The following TFCP2L1 variants were observed in gnomAD, a reference collection of about 807,000 sequenced individuals.
TFCP2L1 encodes transcription factor CP2 like 1, also known as transcription factor CP2-like protein 1.
Under a neutral mutation model 72.2 loss-of-function variants are expected in TFCP2L1, and 12 were observed. The observed-to-expected ratio is 0.17, with a 90% CI of 0.11 to 0.27. The LOEUF (loss-of-function observed/expected upper bound fraction) is 0.27, where lower values mean the gene tolerates loss of function less well. Ranked by LOEUF, TFCP2L1 falls within the 10% of genes least tolerant of loss-of-function variation. The probability of loss-of-function intolerance (pLI) is 1.00; values close to 1 mark genes in which losing one functional copy is unlikely to be tolerated. For missense variants in TFCP2L1, 488 were observed against 624.6 expected, an observed-to-expected ratio of 0.78 and a Z score of 2.33; for synonymous variants, 260 against 251.0, an observed-to-expected ratio of 1.04 and a Z score of -0.34.
At chr2:121,275,415 A>AAAAAAAAAAAAAAAAAAAC (rs1687127611) in intron 2 of TFCP2L1, among the ~76,000 whole-genome samples, 1 of 150,358 alleles carries the variant, frequency 6.7e-6, no homozygotes, top group African/African-American at 2.4e-5. Flanking sequence ...AAAAAAAAAA[A>AAAAAAAAAAAAAAAAAAAC]GAAATAACAT....
At chr2:121,232,083 C>T (rs373817284) in intron 12 of TFCP2L1, 115 bp from the exon 13 acceptor site, 144 of 1,114,948 alleles carry the variant, frequency 1.3e-4, no homozygotes, top group East Asian at 2.6e-4. Flanking sequence ...CCCAGGGCGG[C>T]GGGGCAGGAC....
chr2:121,271,983 A>C (rs1687057201), intron 2 of TFCP2L1, among the ~76,000 whole-genome samples: 1 of 152,096 alleles, frequency 6.6e-6, no homozygotes, highest in African/African-American at 2.4e-5. Flanking sequence ...TTCCCCCCAC[A>C]AAGCTTCATC....
intron 1 of TFCP2L1, among the ~76,000 whole-genome samples, chr2:121,284,714 G>A (rs543956026): frequency 3.3e-5 from 5 of 152,336 alleles, no homozygotes; most frequent in Non-Finnish European, 5.9e-5. Flanking sequence ...ACGCGGGGGA[G>A]AGGAGGGCCG....
At chr2:121,230,246 A>G (rs1375565875) in intron 13 of TFCP2L1, among the ~76,000 whole-genome samples, 2 of 152,142 alleles carry the variant, frequency 1.3e-5, no homozygotes, top group African/African-American at 4.8e-5. Flanking sequence ...ATCTCAGCTC[A>G]CTGCAACCTC....
chr2:121,239,366 C>A (rs894971504), intron 8 of TFCP2L1, among the ~76,000 whole-genome samples, 192 bp downstream of exon 8: 1 of 152,166 alleles, frequency 6.6e-6, no homozygotes, highest in Non-Finnish European at 1.5e-5. Flanking sequence ...GCTGTCCCAC[C>A]CGACAACGTT....
chr2:121,220,032 C>A lies in TFCP2L1; in HGVS notation c.*4309G>T, dbSNP rs1424584349. ...CCCAATCATCCACTGCTTTCTCACCCCCTCTGAGCGCCTAGGGACTTTCTC... is the reference window on the plus strand; with the variant it reads ...CCCAATCATCCACTGCTTTCTCACCACCTCTGAGCGCCTAGGGACTTTCTC... On this transcript the variant is annotated 3_prime_UTR_variant, in exon 15 of 15. Coordinates refer to ENST00000263707, the MANE Select transcript of TFCP2L1 (RefSeq NM_014553.3). The A allele has an allele frequency of 6.6e-6, 1 of 151,510 alleles. No individual in the cohort carries two copies. The highest frequency in any genetic ancestry group is 1.5e-5 in the Non-Finnish European group (1 of 67,908). 9.4% of individuals were successfully genotyped at this position (151,510 alleles called of 1,614,324 possible). A position where few individuals can be genotyped will look rare whatever the true frequency, so the allele number is the denominator to read the frequency against.
chr2:121,278,425 C>A (rs554974288), intron 2 of TFCP2L1, among the ~76,000 whole-genome samples: 1 of 151,194 alleles, frequency 6.6e-6, no homozygotes, highest in African/African-American at 2.4e-5. Flanking sequence ...GTGGCTCACG[C>A]CTGTAATCCC....
chr2:121,226,883 T>TA (rs1686041024), intron 13 of TFCP2L1, among the ~76,000 whole-genome samples: 1 of 152,214 alleles, frequency 6.6e-6, no homozygotes, highest in South Asian at 2.1e-4. Flanking sequence ...TACATTCTCC[T>TA]ACAAGTCATG....
Position 121,264,774 on chromosome 2 carries a change from T to A in TFCP2L1, c.215-15127A>T, listed in dbSNP as rs547636509. Among the ~76,000 whole-genome samples, 213 of 152,346 alleles carry A rather than the reference T, an allele frequency of 1.4e-3. 2 individuals are homozygous for A. The highest frequency in any genetic ancestry group is 5.0e-3 in the African/African-American group (206 of 41,586). ...CACTCTGCTTTATGAGGCTGGCAGA[T>A]GGCTGCCAGTCTGTTACCCATACCC... On this transcript the variant is annotated intron_variant, in intron 2 of 14. Coordinates refer to ENST00000263707, the MANE Select transcript of TFCP2L1 (RefSeq NM_014553.3).
At chr2:121,243,593 C>T (rs1686421671) in intron 6 of TFCP2L1, among the ~76,000 whole-genome samples, 1 of 152,154 alleles carries the variant, frequency 6.6e-6, no homozygotes, top group Admixed American at 6.5e-5. Context: ...CTAAGCTCTG[C>T]CTCCCGTGTC....
chr2:121,231,763 GT>G, intron 13 of TFCP2L1, 62 bp downstream of exon 13: 1 of 1,587,236 alleles, frequency 6.3e-7, no homozygotes, highest in Non-Finnish European at 8.6e-7. Context: ...TGGGGCAGGG[GT>G]TCTGACACTC....
At chr2:121,264,518 C>T (rs1686890521) in intron 2 of TFCP2L1, among the ~76,000 whole-genome samples, 1 of 152,142 alleles carries the variant, frequency 6.6e-6, no homozygotes, top group South Asian at 2.1e-4. Context: ...CCTGGGAGTG[C>T]AGAATCAGGA....
Position 121,228,772 on chromosome 2 carries a change from C to CAAAAAAAAA in TFCP2L1, c.1341+3045_1341+3053dup, listed in dbSNP as rs59300568. Among the ~76,000 whole-genome samples, 6 of 58,172 alleles carry CAAAAAAAAA rather than the reference C, an allele frequency of 1.0e-4. 1 individual carries two copies. Among genetic ancestry groups the CAAAAAAAAA allele is most frequent in the African/African-American group, 1.5e-4 (2 of 13,014 alleles). The allele number at this position is 58,172 out of a possible 152,430, so 38.2% of individuals were successfully genotyped here. A position where few individuals can be genotyped will look rare whatever the true frequency, so the allele number is the denominator to read the frequency against. On this transcript the variant is annotated intron_variant, in intron 13 of 14. Transcript: ENST00000263707. ...GGTTACAGAGTGAAACCGTGACTCA[C>CAAAAAAAAA]AAAAAAAAAAAAAAAAAAAAAAAAG...
intron 1 of TFCP2L1, 60 bp downstream of exon 1, chr2:121,284,988 C>G: frequency 7.1e-7 from 1 of 1,407,624 alleles, no homozygotes; most frequent in African/African-American, 1.5e-5. Flanking sequence ...CCTGGACGTC[C>G]AACGGCGCCC....
In TFCP2L1 at chr2:121,285,096, T is replaced by G; in HGVS notation, c.14A>C (p.His5Pro). 1 of 1,517,978 alleles carries G rather than the reference T, an allele frequency of 6.6e-7. No homozygotes were observed. Among genetic ancestry groups the G allele is most frequent in the Non-Finnish European group, 8.8e-7 (1 of 1,134,358 alleles). 94.0% of individuals were successfully genotyped at this position (1,517,978 alleles called of 1,614,324 possible). The stretch of plus-strand genomic sequence containing the variant: ...CTGGTTGTAGTGCTCGGGCTGCGTG[T>G]GCCAGAAGAGCATGGCTGGAACTCC... MLFWHTQPEHYNQHN... is the reference protein window; with the variant it reads MLFWPTQPEHYNQHN... The change falls in exon 1 of 15, where the codon CAC (histidine) becomes CCC (proline). Residue 5 changes from histidine to proline, a missense_variant. By Grantham distance (77) the His-to-Pro change is moderately conservative. Around this residue, in one of 3 missense-constraint regions of TFCP2L1, gnomAD observed 73 missense variants for 59.7 expected, o/e 1.22. Transcript: ENST00000263707.
chr2:121,245,127 C>A (rs189070041), intron 6 of TFCP2L1, among the ~76,000 whole-genome samples: 5 of 152,252 alleles, frequency 3.3e-5, no homozygotes, highest in Middle Eastern at 6.8e-3. Flanking sequence ...TGCTTGGCCC[C>A]GTGTAATCAC....
chr2:121,225,656 C>T (rs1369119395), intron 13 of TFCP2L1, 43 bp from the exon 14 acceptor site: 1 of 1,610,752 alleles, frequency 6.2e-7, no homozygotes, highest in Admixed American at 1.7e-5. Context: ...ACCACGAGTT[C>T]ATCATTTGGA....
chr2:121,250,807 A>G (rs1247851960), intron 2 of TFCP2L1, among the ~76,000 whole-genome samples: 1 of 151,716 alleles, frequency 6.6e-6, no homozygotes, highest in East Asian at 2.0e-4. Context: ...GGGTTTCACC[A>G]TGTTAGCCAG....
rs1685901175 is a variant in TFCP2L1 at position 121,220,002 on chromosome 2, C to A, written c.*4339G>T. 6.6e-6 allele frequency: 1 copy of A among 151,760 alleles called. No individual in the cohort carries two copies. Among genetic ancestry groups the A allele is most frequent in the South Asian group, 2.1e-4 (1 of 4,798 alleles). The allele number at this position is 151,760 out of a possible 1,614,324, so 9.4% of individuals were successfully genotyped here. ...GCAGTGTCAACATCTAATCCCCCACCCCCGCCCAATCATCCACTGCTTTCT... is the reference window on the plus strand; with the variant it reads ...GCAGTGTCAACATCTAATCCCCCACACCCGCCCAATCATCCACTGCTTTCT... On this transcript the variant is annotated 3_prime_UTR_variant, in exon 15 of 15. Coordinates refer to ENST00000263707, the MANE Select transcript of TFCP2L1 (RefSeq NM_014553.3).
Sources: allele counts gnomAD v4.1 joint callset (sites outside exome capture counted in the v4.1 genomes callset), GRCh38; gene constraint gnomAD v4.1.1; regional missense constraint gnomAD v4.1.1; transcripts MANE v1.5; gene names NCBI Gene and HGNC (gene_info 2026-07-23, HGNC 2026-07-21).